Variants in TRAK1 observed in about 807,000 individuals in gnomAD.
The protein encoded by TRAK1 is trafficking kinesin-binding protein 1.
Under a neutral mutation model 92.1 loss-of-function variants are expected in TRAK1, and 33 were observed. The observed-to-expected ratio is 0.36, with a 90% CI of 0.27 to 0.48. TRAK1 has a LOEUF of 0.48. TRAK1 is among the 20% of genes least tolerant of loss of function. TRAK1 has a pLI of 0.99. For missense variants in TRAK1, 1,123 were observed against 1,257.9 expected, an observed-to-expected ratio of 0.89 and a Z score of 1.62; for synonymous variants, 521 against 517.3, an observed-to-expected ratio of 1.01 and a Z score of -0.10.
intron 1 of TRAK1, among the ~76,000 whole-genome samples, chr3:42,019,685 A>G (rs890730830): frequency 1.3e-5 from 2 of 152,048 alleles, no homozygotes; most frequent in Non-Finnish European, 2.9e-5. Context: ...GATACAACCT[A>G]CTCTAGATAC....
At chr3:42,026,331 G>A (rs1191737405) in intron 1 of TRAK1, among the ~76,000 whole-genome samples, 2 of 152,136 alleles carry the variant, frequency 1.3e-5, no homozygotes, top group African/African-American at 4.8e-5. Flanking sequence ...GAATTGCGTG[G>A]TTAGCTTGCT....
Position 42,125,404 on chromosome 3 carries a change from G to A in TRAK1, c.92-16G>A, listed in dbSNP as rs1710429202. 1.9e-6 allele frequency: 3 copies of A among 1,606,698 alleles called. No individual in the cohort carries two copies. The highest frequency in any genetic ancestry group is 1.3e-5 in the African/African-American group (1 of 74,504). On this transcript the variant is annotated splice_polypyrimidine_tract_variant and intron_variant, in intron 1 of 15. Coordinates refer to ENST00000327628, the MANE Select transcript of TRAK1 (RefSeq NM_001042646.3). The stretch of plus-strand genomic sequence containing the variant: ...GCCATTTCTGGGCTCTCATTTCTTG[G>A]TTGTCTTGTCTTTAGATGTGTGCAA...
At chr3:42,059,098 T>A (rs1703321773) in intron 1 of TRAK1, among the ~76,000 whole-genome samples, 1 of 152,098 alleles carries the variant, frequency 6.6e-6, no homozygotes. Context: ...CAGGGAACTT[T>A]TTTTTTTTCC....
chr3:42,061,026 G>T (rs2148925538), intron 1 of TRAK1, among the ~76,000 whole-genome samples: 1 of 152,210 alleles, frequency 6.6e-6, no homozygotes, highest in African/African-American at 2.4e-5. Context: ...GGGACTTAAT[G>T]ACTTATGCTG....
chr3:42,189,187 G>T (rs1705320969), intron 6 of TRAK1, 63 bp downstream of exon 6: 2 of 1,296,242 alleles, frequency 1.5e-6, no homozygotes, highest in Admixed American at 1.8e-5. Flanking sequence ...GCCTTATCTG[G>T]CAAGGACAAC....
At chr3:42,138,870 A>T (rs1698286640) in intron 2 of TRAK1, among the ~76,000 whole-genome samples, 2 of 111,446 alleles carry the variant, frequency 1.8e-5, no homozygotes, top group African/African-American at 6.5e-5. Flanking sequence ...AAAAGAAAGC[A>T]TAGGGGGTGT....
chr3:42,118,026 G>A (rs199511620), intron 1 of TRAK1, among the ~76,000 whole-genome samples: 1 of 151,922 alleles, frequency 6.6e-6, no homozygotes, highest in Non-Finnish European at 1.5e-5. Context: ...CACCATGTTG[G>A]CCAAGATGGT....
chr3:42,118,705 C>T (rs1709476018), intron 1 of TRAK1, among the ~76,000 whole-genome samples: 1 of 152,254 alleles, frequency 6.6e-6, no homozygotes, highest in Non-Finnish European at 1.5e-5. Flanking sequence ...AGCCCACATC[C>T]TGGGTAGGAG....
chr3:42,140,585 C>A lies in TRAK1; in HGVS notation c.286+14971C>A, dbSNP rs546486521. 2.0e-5 allele frequency among the ~76,000 whole-genome samples: 3 copies of A among 152,302 alleles called. No individual in the cohort carries two copies. In the East Asian group the frequency reaches 5.8e-4, roughly 29 times the overall value. ...GAGGTTGCAGTGAGCCGAGATCGCA[C>A]CGCTGCACTCCAGCCTGGGCGACAG... On this transcript the variant is annotated intron_variant, in intron 2 of 15. Transcript: ENST00000327628.
At chr3:42,055,777 T>A (rs1359577689) in intron 1 of TRAK1, among the ~76,000 whole-genome samples, 1 of 152,188 alleles carries the variant, frequency 6.6e-6, no homozygotes, top group Non-Finnish European at 1.5e-5. Flanking sequence ...ACAATAAATT[T>A]TAGAACACTT....
intron 2 of TRAK1, among the ~76,000 whole-genome samples, chr3:42,131,634 C>T (rs13061078): frequency 6.6e-6 from 1 of 151,982 alleles, no homozygotes; most frequent in Non-Finnish European, 1.5e-5. Flanking sequence ...AGGAGAATCT[C>T]TTGAACCCGG....
At chr3:42,145,106 A>G (rs548804267) in intron 2 of TRAK1, among the ~76,000 whole-genome samples, 24 of 152,342 alleles carry the variant, frequency 1.6e-4, no homozygotes, top group African/African-American at 4.8e-4. Flanking sequence ...CGCCTCCCCA[A>G]AGGAGCTACT....
chr3:42,194,923 A>G lies in TRAK1; in HGVS notation c.1095A>G (p.Ser365=), dbSNP rs9851455. ...ATACCACGTCTCGGCGCTACCACTC[A>G]CTGGGCCTGTTTCCCATGGTGAGCT... is the stretch of plus-strand genomic sequence containing the variant. ...MPNTTSRRYH[S]LGLFPMDSLA... The change falls in exon 10 of 16, where the codon TCA becomes TCG. Residue 365 remains serine (S), a synonymous_variant. Coordinates refer to ENST00000327628, the MANE Select transcript of TRAK1 (RefSeq NM_001042646.3). 0.76 allele frequency: 1,227,452 copies of G among 1,613,178 alleles called. 469,541 individuals are homozygous for G. The highest frequency in any genetic ancestry group is 0.99 in the East Asian group (44,462 of 44,854).
Position 42,169,162 on chromosome 3 carries a change from GATCT to G in TRAK1, c.287-7643_287-7640del, listed in dbSNP as rs376503167. 6.8e-3 allele frequency among the ~76,000 whole-genome samples: 1,010 copies of G among 148,382 alleles called. 7 individuals are homozygous for G. The highest frequency in any genetic ancestry group is 0.022 in the African/African-American group (873 of 40,264). ...TCTTTCTTTCTTTTTTTTTTTAAGT[GATCT>G]ATCTATCTCTATAATTTTCCTTTTC... On this transcript the variant is annotated intron_variant, in intron 2 of 15. Coordinates refer to ENST00000327628, the MANE Select transcript of TRAK1 (RefSeq NM_001042646.3).
chr3:42,156,414 C>T (rs1206146230), intron 2 of TRAK1, among the ~76,000 whole-genome samples: 1 of 152,172 alleles, frequency 6.6e-6, no homozygotes, highest in Non-Finnish European at 1.5e-5. Flanking sequence ...TAGGGTGGTC[C>T]TGTGTTCAAA....
At chr3:42,207,573 C>T (rs926309344) in intron 13 of TRAK1, among the ~76,000 whole-genome samples, 2 of 152,168 alleles carry the variant, frequency 1.3e-5, no homozygotes, top group Non-Finnish European at 2.9e-5. Context: ...TATAATCATA[C>T]TCAGTTCCTA....
chr3:42,127,705 A>T (rs1282890734), intron 2 of TRAK1, among the ~76,000 whole-genome samples: 1 of 152,178 alleles, frequency 6.6e-6, no homozygotes, highest in Non-Finnish European at 1.5e-5. Context: ...GTGTAATTGG[A>T]AGACCATCCA....
At chr3:42,088,646 C>T (rs904922060), upstream of TRAK1, among the ~76,000 whole-genome samples, 53 of 152,334 alleles carry the variant, frequency 3.5e-4, no homozygotes, top group African/African-American at 1.2e-3. Flanking sequence ...CAGGCAGGCT[C>T]ATGCCCCACC....
intron 10 of TRAK1, among the ~76,000 whole-genome samples, chr3:42,195,287 C>T (rs1414230937): frequency 3.3e-5 from 5 of 152,204 alleles, no homozygotes. Flanking sequence ...TCCAAAACTT[C>T]CTGAGCACTG....
Sources: gnomAD v4.1 joint callset for allele counts (sites outside exome capture counted in the v4.1 genomes callset) on GRCh38, gnomAD v4.1.1 for gene constraint, MANE v1.5 for transcripts, NCBI Gene and HGNC (gene_info 2026-07-23, HGNC 2026-07-21) for gene names.